The following CFAP184 variants were observed in gnomAD, a reference collection of about 807,000 sequenced individuals.
The protein encoded by CFAP184 is cilia- and flagella-associated protein 184.
the CFAP184 span, chr4:7,040,924 T>C: frequency 1.4e-3 from 280 of 203,354 alleles, 2 homozygotes; most frequent in South Asian, 0.023. Context: ...CGCTGAACTT[T>C]TAAACCCTCC....
the CFAP184 span, chr4:7,041,961 C>T: frequency 6.2e-7 from 1 of 1,612,644 alleles, no homozygotes. Flanking sequence ...AGCGTCGCCA[C>T]TCCTTCTCCA....
At chr4:7,042,095 G>C in the CFAP184 span, 2 of 1,609,282 alleles carry the variant, frequency 1.2e-6, no homozygotes, top group East Asian at 4.5e-5. Context: ...AGGTACGCTT[G>C]CTCTTTCTCG....
At chr4:7,041,754 G>T in the CFAP184 span, 1 of 1,613,602 alleles carries the variant, frequency 6.2e-7, no homozygotes, top group East Asian at 2.2e-5. Context: ...GGTCCTCCTG[G>T]GTCCTCATCC....
chr4:7,041,467 T>G, the CFAP184 span: 11 of 1,614,232 alleles, frequency 6.8e-6, no homozygotes, highest in South Asian at 9.9e-5. Context: ...TCTGATGTTG[T>G]CCGTCCGCAG....
chr4:7,042,137 C>T, the CFAP184 span: 2 of 1,606,178 alleles, frequency 1.2e-6, no homozygotes, highest in Non-Finnish European at 1.7e-6. Flanking sequence ...CGGTCAGCCA[C>T]CTCAGCGGCC....
chr4:7,041,790 C>A, the CFAP184 span: 31 of 1,612,000 alleles, frequency 1.9e-5, no homozygotes, highest in Non-Finnish European at 2.6e-5. Flanking sequence ...CCAGGCTCTG[C>A]TTCAGCTGAA....
chr4:7,041,181 C>T, the CFAP184 span: 12 of 1,493,734 alleles, frequency 8.0e-6, no homozygotes, highest in East Asian at 2.7e-4. Flanking sequence ...CCAAATGACA[C>T]AGGCCTTTTT....
the CFAP184 span, chr4:7,042,971 G>A: frequency 1.7e-5 from 24 of 1,399,680 alleles, no homozygotes; most frequent in East Asian, 1.3e-4. Flanking sequence ...AGCGGACCCC[G>A]GCAGGACGCT....
chr4:7,042,805 G>A, the CFAP184 span: 6 of 1,560,510 alleles, frequency 3.8e-6, no homozygotes, highest in African/African-American at 1.4e-5. Context: ...CTCCGGCTCC[G>A]ACTCCAGCTC....
chr4:7,042,769 G>T, the CFAP184 span: 2 of 1,538,234 alleles, frequency 1.3e-6, no homozygotes, highest in Non-Finnish European at 8.7e-7. Context: ...GCCTCCCTGC[G>T]AAGCCGCTTG....
chr4:7,042,791 C>A, the CFAP184 span: 2 of 1,552,916 alleles, frequency 1.3e-6, no homozygotes, highest in Non-Finnish European at 1.7e-6. Context: ...TCCTCCTCCT[C>A]CTCCTCCGGC....
At chr4:7,042,959 G>T in the CFAP184 span, 131 of 1,405,748 alleles carry the variant, frequency 9.3e-5, 1 homozygote, top group South Asian at 2.0e-3. Context: ...CTCGGCCAGC[G>T]CAGCGGACCC....
the CFAP184 span, chr4:7,042,087 G>T: frequency 6.2e-7 from 1 of 1,609,914 alleles, no homozygotes. Flanking sequence ...GATGGCGCAG[G>T]TACGCTTGCT....
the CFAP184 span, chr4:7,042,426 G>A: frequency 6.2e-7 from 1 of 1,611,812 alleles, no homozygotes; most frequent in South Asian, 1.1e-5. Flanking sequence ...TCTCCTCCTT[G>A]TCCTCTTCCT....
At chr4:7,042,132 A>G in the CFAP184 span, 3 of 1,606,630 alleles carry the variant, frequency 1.9e-6, no homozygotes, top group Admixed American at 5.1e-5. Context: ...CGCCCCGGTC[A>G]GCCACCTCAG....
the CFAP184 span, chr4:7,041,957 G>T: frequency 6.2e-7 from 1 of 1,612,434 alleles, no homozygotes; most frequent in East Asian, 2.2e-5. Context: ...TGGAAGCGTC[G>T]CCACTCCTTC....
At chr4:7,042,177 G>C in the CFAP184 span, 2 of 1,599,572 alleles carry the variant, frequency 1.3e-6, no homozygotes, top group South Asian at 1.1e-5. Context: ...GCAGCGCCTC[G>C]AAGATCTTGT....
chr4:7,042,743 G>A, the CFAP184 span: 131 of 1,524,786 alleles, frequency 8.6e-5, 2 homozygotes, highest in South Asian at 1.6e-3. Context: ...GCCTCGGCCT[G>A]CTCGTCCGCG....
At chr4:7,042,393 G>C in the CFAP184 span, 1 of 1,611,970 alleles carries the variant, frequency 6.2e-7, no homozygotes, top group Non-Finnish European at 8.5e-7. Context: ...CCCTCTCCTT[G>C]CTCTCCGCGC....
Sources: gnomAD v4.1 joint callset for allele counts on GRCh38, gnomAD v4.1.1 for gene constraint, MANE v1.5 for transcripts, NCBI Gene and HGNC (gene_info 2026-07-23, HGNC 2026-07-21) for gene names.